The following ASIC2 variants were observed in gnomAD, a reference collection of about 807,000 sequenced individuals.
ASIC2 encodes the protein acid-sensing ion channel 2.
A neutral mutation model predicts 57.3 loss-of-function variants in ASIC2; 25 were observed. The ratio of observed to expected loss-of-function variants is 0.44; its 90% confidence interval spans 0.32 to 0.61. The LOEUF (loss-of-function observed/expected upper bound fraction) is 0.61, where lower values mean the gene tolerates loss of function less well. Among genes scored for constraint, ASIC2 ranks in the 20% least tolerant of loss-of-function variants. ASIC2 has a pLI of 0.06. For missense variants in ASIC2, 641 were observed against 738.1 expected (o/e 0.87, Z 1.52); for synonymous variants, 319 against 307.5 (o/e 1.04, Z -0.39).
intron 1 of ASIC2, among the ~76,000 whole-genome samples, chr17:33,965,278 T>G (rs1439039295): frequency 6.6e-6 from 1 of 152,188 alleles, no homozygotes; most frequent in Non-Finnish European, 1.5e-5. Flanking sequence ...GAGCTAGGAT[T>G]TATATTGAAT....
At chr17:33,770,322 C>A (rs1313310759) in intron 1 of ASIC2, among the ~76,000 whole-genome samples, 1 of 152,234 alleles carries the variant, frequency 6.6e-6, no homozygotes, top group Non-Finnish European at 1.5e-5. Context: ...CCCCTAGTGT[C>A]TTCCTCTGTA....
At chr17:33,109,839 C>T (rs1226681398) in intron 2 of ASIC2, among the ~76,000 whole-genome samples, 3 of 152,198 alleles carry the variant, frequency 2.0e-5, no homozygotes, top group Non-Finnish European at 4.4e-5. Flanking sequence ...CAAGCCAGGC[C>T]TCAGGGGAAA....
chr17:33,718,009 A>G (rs1157325394), intron 1 of ASIC2, among the ~76,000 whole-genome samples: 1 of 152,054 alleles, frequency 6.6e-6, no homozygotes, highest in Non-Finnish European at 1.5e-5. Context: ...TGTTTCTACC[A>G]TTTCAGAAGG....
intron 1 of ASIC2, among the ~76,000 whole-genome samples, chr17:33,907,977 C>T (rs1379633112): frequency 6.6e-6 from 1 of 152,112 alleles, no homozygotes; most frequent in Admixed American, 6.6e-5. Context: ...CAGTTTTTTT[C>T]CCTCACACTG....
chr17:33,199,155 G>A (rs1567781700), intron 1 of ASIC2, among the ~76,000 whole-genome samples: 1 of 152,094 alleles, frequency 6.6e-6, no homozygotes, highest in Non-Finnish European at 1.5e-5. Context: ...TAACCATTTC[G>A]GGCATCAAAC....
chr17:33,679,866 C>T (rs904426923), intron 1 of ASIC2, among the ~76,000 whole-genome samples: 2 of 152,098 alleles, frequency 1.3e-5, no homozygotes, highest in Non-Finnish European at 2.9e-5. Context: ...GAGAGAGGCC[C>T]AGGGCTGAAA....
chr17:33,891,240 C>A (rs975794752), intron 1 of ASIC2, among the ~76,000 whole-genome samples: 17 of 152,176 alleles, frequency 1.1e-4, no homozygotes, highest in Admixed American at 7.9e-4. Context: ...TTCCTTACCA[C>A]CCAAGTCTTA....
At chr17:33,160,575 T>C (rs1905134637) in intron 1 of ASIC2, among the ~76,000 whole-genome samples, 1 of 152,256 alleles carries the variant, frequency 6.6e-6, no homozygotes. Flanking sequence ...TCTGTCTTTG[T>C]TCTGCATGGG....
intron 1 of ASIC2, chr17:34,037,461 G>C: frequency 1.4e-6 from 1 of 701,364 alleles, no homozygotes; most frequent in Non-Finnish European, 2.3e-6. Flanking sequence ...AATGAGAATC[G>C]ATGCTGTCAT....
chr17:34,156,058 G>A lies in ASIC2; in HGVS notation c.475C>T (p.Arg159Cys), dbSNP rs1290030167. The A allele has an allele frequency of 4.3e-6, 7 of 1,613,882 alleles. No homozygotes were observed. Among genetic ancestry groups the A allele is most frequent in the Non-Finnish European group, 5.1e-6 (6 of 1,180,038 alleles). Residue 159 changes from arginine to cysteine, a missense_variant, in exon 1 of 10, where the codon CGT becomes TGT. Transcript: ENST00000359872. The surrounding 1 kb of genome is among the most constrained non-coding windows in gnomAD (Gnocchi z 4.4). ...ATATCCTTCAGGTCATGGCCCACAC[G>A]GTGCAGGAACTCCAGCATGCTGAAC...
intron 1 of ASIC2, among the ~76,000 whole-genome samples, chr17:34,074,686 T>C (rs906737147): frequency 1.3e-5 from 2 of 152,128 alleles, no homozygotes; most frequent in Admixed American, 1.3e-4. Context: ...CATTACGTGT[T>C]TCAGGGCCAC....
intron 1 of ASIC2, among the ~76,000 whole-genome samples, chr17:34,154,174 C>T (rs1904628598): frequency 6.6e-6 from 1 of 152,180 alleles, no homozygotes; most frequent in South Asian, 2.1e-4. Context: ...CAGCTGAGTG[C>T]ATTTCCAAGC....
At chr17:33,070,501 C>A (rs1439537992) in intron 3 of ASIC2, among the ~76,000 whole-genome samples, 1 of 152,024 alleles carries the variant, frequency 6.6e-6, no homozygotes, top group Non-Finnish European at 1.5e-5. Flanking sequence ...CCATGTCCAG[C>A]TAATTTTTAC....
At chr17:33,705,038 T>A (rs1908822844) in intron 1 of ASIC2, among the ~76,000 whole-genome samples, 1 of 152,224 alleles carries the variant, frequency 6.6e-6, no homozygotes, top group Non-Finnish European at 1.5e-5. Context: ...TGAATGTCAG[T>A]GTCATTTAAC....
At chr17:33,175,523 C>T (rs1233169151) in intron 1 of ASIC2, among the ~76,000 whole-genome samples, 1 of 105,194 alleles carries the variant, frequency 9.5e-6, no homozygotes, top group South Asian at 2.8e-4. Context: ...AAGAAAAATA[C>T]CCTACTTTTT....
At chr17:34,114,414 C>T (rs975209159) in intron 1 of ASIC2, among the ~76,000 whole-genome samples, 2 of 152,104 alleles carry the variant, frequency 1.3e-5, no homozygotes, top group African/African-American at 4.8e-5. Flanking sequence ...GAGAGAGAGA[C>T]TTCTGCATGG....
intron 1 of ASIC2, chr17:33,692,193 C>G (rs1908392790): frequency 6.6e-6 from 1 of 152,070 alleles, no homozygotes; most frequent in African/African-American, 2.4e-5. Context: ...ACCTGCACCC[C>G]AAAAAATGTT....
At position 33,292,933 on chromosome 17, in the gene ASIC2, C is replaced by T. The variant is rs1170990580; in HGVS notation, c.-818G>A. On this transcript the variant is annotated 5_prime_UTR_variant, in exon 1 of 10. Coordinates refer to ENST00000225823, the MANE Select transcript of ASIC2 (RefSeq NM_183377.2). ...CGGGAGGCTGTTCGCCGCCGGGGTCCTTCAAGGATGCTAGCCGCAGGGAAG... is the reference window on the plus strand; with the variant it reads ...CGGGAGGCTGTTCGCCGCCGGGGTCTTTCAAGGATGCTAGCCGCAGGGAAG... The T allele has an allele frequency of 2.8e-5, 28 of 985,418 alleles. No individual in the cohort carries two copies. The highest frequency in any genetic ancestry group is 3.3e-5 in the Non-Finnish European group (27 of 830,004). 61.0% of individuals were successfully genotyped at this position (985,418 alleles called of 1,614,324 possible).
intron 1 of ASIC2, among the ~76,000 whole-genome samples, chr17:34,155,268 C>T (rs1904673128): frequency 6.6e-6 from 1 of 152,118 alleles, no homozygotes. Flanking sequence ...TGCACACGTG[C>T]CTCCGCCCAG....
Sources: gnomAD v4.1 joint callset for allele counts (sites outside exome capture counted in the v4.1 genomes callset) on GRCh38, gnomAD v4.1.1 for gene constraint, Gnocchi (gnomAD v3.1) non-coding constraint, MANE v1.5 for transcripts, NCBI Gene and HGNC (gene_info 2026-07-23, HGNC 2026-07-21) for gene names.